NRG1: variants seen among roughly 807,000 people sequenced by gnomAD.
NRG1 encodes the protein pro-neuregulin-1, membrane-bound isoform.
NRG1 carries 18 observed loss-of-function variants against 63.8 expected under a neutral mutation model. The ratio of observed to expected loss-of-function variants is 0.28; its 90% CI spans 0.19 to 0.42. The LOEUF is 0.42. Among genes scored for constraint, NRG1 ranks in the 10% least tolerant of loss-of-function variants. The probability of loss-of-function intolerance (pLI) is 1.00; values close to 1 mark genes in which losing one functional copy is unlikely to be tolerated. For synonymous variants in NRG1, 302 were observed against 301.3 expected (o/e 1.00, Z -0.02); for missense variants, 762 against 814.7 (o/e 0.94, Z 0.79).
intron 1 of NRG1, among the ~76,000 whole-genome samples, chr8:32,142,209 C>T (rs1836364220): frequency 6.6e-6 from 1 of 152,168 alleles, no homozygotes; most frequent in South Asian, 2.1e-4. Context: ...CAGCTCATCT[C>T]AGCATGTTGA....
chr8:32,341,529 G>A (rs1317237754), intron 1 of NRG1, among the ~76,000 whole-genome samples: 1 of 152,198 alleles, frequency 6.6e-6, no homozygotes, highest in African/African-American at 2.4e-5. Context: ...CTGCTGTCCT[G>A]TGGGCAGTGA....
chr8:32,531,033 G>A (rs1831401964), intron 1 of NRG1, among the ~76,000 whole-genome samples: 1 of 152,288 alleles, frequency 6.6e-6, no homozygotes, highest in Non-Finnish European at 1.5e-5. Flanking sequence ...GGGAGGCAGA[G>A]GTTGCAGTGA....
chr8:31,832,865 G>T (rs772417583), intron 1 of NRG1, among the ~76,000 whole-genome samples: 10 of 152,112 alleles, frequency 6.6e-5, no homozygotes, highest in Non-Finnish European at 1.5e-4. Context: ...TTATCAGGGT[G>T]TCAGTTTTTC....
intron 1 of NRG1, among the ~76,000 whole-genome samples, chr8:32,238,181 G>A (rs1190113381): frequency 1.3e-5 from 2 of 152,032 alleles, no homozygotes; most frequent in Non-Finnish European, 2.9e-5. Context: ...TTTAGGAGGG[G>A]GCCAGGCGTG....
At chr8:32,118,889 A>G (rs1430386916) in intron 1 of NRG1, among the ~76,000 whole-genome samples, 1 of 152,064 alleles carries the variant, frequency 6.6e-6, no homozygotes, top group African/African-American at 2.4e-5. Context: ...CCCTAAGAAA[A>G]GAGACCAAAG....
In NRG1 at chr8:31,696,660, A is replaced by G. The variant is rs1490290662; in HGVS notation, c.37+57229A>G. On this transcript the variant is annotated intron_variant, in intron 1 of 10. Coordinates refer to the NRG1 transcript ENST00000519301. ...GGTCTTATTTTCCTTCCTTTTACAGATGAGCAAACTTGTGTTCTTGTAGGT... is the reference window on the plus strand; with the variant it reads ...GGTCTTATTTTCCTTCCTTTTACAGGTGAGCAAACTTGTGTTCTTGTAGGT... Among the ~76,000 whole-genome samples the G allele has an allele frequency of 5.9e-5, 9 of 152,308 alleles. No individual in the cohort carries two copies. The East Asian group carries it at 1.7e-3, about 29-fold the overall frequency.
At chr8:32,510,589 A>G (rs1374505723) in intron 1 of NRG1, among the ~76,000 whole-genome samples, 6 of 152,018 alleles carry the variant, frequency 3.9e-5, no homozygotes, top group Non-Finnish European at 7.4e-5. Context: ...TCTTTGGAGG[A>G]GTAGAAGGTG....
At chr8:32,763,849 C>G in exon 12 of NRG1, 1 of 1,614,028 alleles carries the variant, frequency 6.2e-7, no homozygotes, top group Middle Eastern at 1.7e-4. Context: ...CCACCCGTGT[C>G]CAGCATGACG....
intron 1 of NRG1, among the ~76,000 whole-genome samples, chr8:32,325,448 C>T (rs371192083): frequency 6.6e-6 from 1 of 152,200 alleles, no homozygotes; most frequent in African/African-American, 2.4e-5. Context: ...GTGGCACAAA[C>T]GTGGCTCACT....
At chr8:31,808,828 A>AT (rs944736864) in intron 1 of NRG1, among the ~76,000 whole-genome samples, 180 of 152,102 alleles carry the variant, frequency 1.2e-3, no homozygotes, top group African/African-American at 3.9e-3. Context: ...TGCAGCAGAG[A>AT]TTTTTTTAGA....
chr8:31,658,944 C>T (rs1423123636), intron 1 of NRG1, among the ~76,000 whole-genome samples: 32 of 152,138 alleles, frequency 2.1e-4, no homozygotes, highest in Admixed American at 2.1e-3. Context: ...AAATGCATGC[C>T]AAAGGTCCTT....
intron 1 of NRG1, among the ~76,000 whole-genome samples, chr8:32,482,800 G>A (rs1325456834): frequency 6.6e-6 from 1 of 152,180 alleles, no homozygotes; most frequent in African/African-American, 2.4e-5. Context: ...GGAAGAGGGT[G>A]GGAACAGGGT....
At chr8:32,243,698 C>T (rs1234909850) in intron 1 of NRG1, among the ~76,000 whole-genome samples, 1 of 152,062 alleles carries the variant, frequency 6.6e-6, no homozygotes, top group Non-Finnish European at 1.5e-5. Context: ...AAATTCATAT[C>T]TTGAAGGCCT....
chr8:31,664,367 A>G (rs573859214), intron 1 of NRG1, among the ~76,000 whole-genome samples: 34 of 152,306 alleles, frequency 2.2e-4, no homozygotes, highest in Admixed American at 7.8e-4. Context: ...GGGAGTACCA[A>G]CGCATAGAGT....
Position 32,081,727 on chromosome 8 carries a change from G to A in NRG1, c.37+442296G>A, listed in dbSNP as rs545153414. Among the ~76,000 whole-genome samples, 4 of 152,092 alleles carry A rather than the reference G, an allele frequency of 2.6e-5. No individual in the cohort carries two copies. In the East Asian group the frequency reaches 7.7e-4, roughly 29 times the overall value. ...TTGGGAAAGCTAAGCTTATGATCAG[G>A]TGTAACCAGGCCATATCCCTTGGGT... On this transcript the variant is annotated intron_variant, in intron 1 of 10. Coordinates refer to the NRG1 transcript ENST00000519301.
chr8:32,721,875 A>G, intron 5 of NRG1: 1 of 1,415,492 alleles, frequency 7.1e-7, no homozygotes, highest in Non-Finnish European at 9.2e-7. Context: ...ATCTTCAGGA[A>G]CCACCTAAGC....
At chr8:32,739,806 G>A (rs1193447795) in intron 6 of NRG1, among the ~76,000 whole-genome samples, 7 of 151,984 alleles carry the variant, frequency 4.6e-5, no homozygotes, top group Non-Finnish European at 1.0e-4. Context: ...ATTGTGTGGT[G>A]TGTGTGTGTG....
intron 11 of NRG1, chr8:32,760,751 T>C: frequency 1.9e-6 from 2 of 1,053,556 alleles, no homozygotes; most frequent in Non-Finnish European, 1.2e-6. Flanking sequence ...ATGGCATCAA[T>C]GCTTGATAAG....
At chr8:32,159,537 T>A (rs866987976) in intron 1 of NRG1, among the ~76,000 whole-genome samples, 1 of 125,774 alleles carries the variant, frequency 8.0e-6, no homozygotes, top group Non-Finnish European at 1.6e-5. Context: ...CGAGACTCCG[T>A]CTCAAAAAAA....
Sources: gnomAD v4.1 joint callset for allele counts (sites outside exome capture counted in the v4.1 genomes callset) on GRCh38, gnomAD v4.1.1 for gene constraint, MANE v1.5 for transcripts, NCBI Gene and HGNC (gene_info 2026-07-23, HGNC 2026-07-21) for gene names.